Variants in GPD2 observed in about 807,000 individuals in gnomAD.
GPD2 encodes glycerol-3-phosphate dehydrogenase 2.
In GPD2, 54 loss-of-function variants were observed where a neutral mutation model predicts 82.4. The ratio of observed to expected loss-of-function variants is 0.66; its 90% CI spans 0.53 to 0.82. GPD2 has a LOEUF of 0.82. GPD2 is among the 40% of genes least tolerant of loss of function. GPD2 has a pLI of 0.00. For synonymous variants in GPD2, 288 were observed against 306.1 expected (o/e 0.94, Z 0.62); for missense variants, 748 against 896.2 (o/e 0.83, Z 2.11).
At chr2:156,514,843 A>G (rs1388262394) in intron 6 of GPD2, among the ~76,000 whole-genome samples, 2 of 152,142 alleles carry the variant, frequency 1.3e-5, no homozygotes, top group African/African-American at 4.8e-5. Context: ...CTTAACTGTG[A>G]ATTTGCTTTC....
chr2:156,445,006 T>A (rs1164296989), intron 1 of GPD2, among the ~76,000 whole-genome samples: 1 of 152,192 alleles, frequency 6.6e-6, no homozygotes, highest in African/African-American at 2.4e-5. Flanking sequence ...TGCCTTTGCC[T>A]CAGAAGTGCT....
At chr2:156,497,982 A>T (rs1684445841) in intron 3 of GPD2, among the ~76,000 whole-genome samples, 1 of 152,132 alleles carries the variant, frequency 6.6e-6, no homozygotes, top group Non-Finnish European at 1.5e-5. Flanking sequence ...GAAAGAGGGG[A>T]CACATTCCCA....
At chr2:156,516,176 T>A (rs1167266697) in intron 6 of GPD2, among the ~76,000 whole-genome samples, 2 of 152,182 alleles carry the variant, frequency 1.3e-5, no homozygotes, top group Non-Finnish European at 2.9e-5. Context: ...TAAGCTTTTC[T>A]TAACAAGGAA....
chr2:156,538,866 A>C (rs1686190495), intron 6 of GPD2, among the ~76,000 whole-genome samples: 1 of 151,464 alleles, frequency 6.6e-6, no homozygotes. Flanking sequence ...GTAACTATAG[A>C]GTTCAAGCAG....
Position 156,557,390 on chromosome 2 carries a change from C to A in GPD2, c.973C>A (p.Pro325Thr). 6.3e-7 allele frequency: 1 copy of A among 1,580,638 alleles called. No individual in the cohort carries two copies. ...AAATAATCCTTCTTTGTATCTCAGCCCAGAGAGCATGGGACTTCTTGACCC... is the reference window on the plus strand; with the variant it reads ...AAATAATCCTTCTTTGTATCTCAGCACAGAGAGCATGGGACTTCTTGACCC... ...VHIVMPGYYS[P>T]ESMGLLDPAT... The change falls in exon 9 of 17, where the codon CCA becomes ACA. Residue 325 changes from proline (P) to threonine (T), a missense_variant and splice_region_variant. Pro to Thr is a conservative substitution (Grantham distance 38, BLOSUM62 -1). Coordinates refer to ENST00000438166, the MANE Select transcript of GPD2 (RefSeq NM_000408.5).
chr2:156,556,372 A>G (rs1223430034), intron 8 of GPD2, among the ~76,000 whole-genome samples: 2 of 152,214 alleles, frequency 1.3e-5, no homozygotes, highest in Non-Finnish European at 2.9e-5. Context: ...GTAGTGTTCT[A>G]CTTGAATAGG....
chr2:156,553,920 G>C (rs1447200753), intron 8 of GPD2, among the ~76,000 whole-genome samples: 5 of 152,182 alleles, frequency 3.3e-5, no homozygotes, highest in Non-Finnish European at 7.3e-5. Flanking sequence ...AGGCTAAGAT[G>C]CAGTAAGTGA....
At chr2:156,401,272 T>C in the GPD2 span, among the ~76,000 whole-genome samples, 1 of 152,234 alleles carries the variant, frequency 6.6e-6, no homozygotes, top group Non-Finnish European at 1.5e-5. Flanking sequence ...ACCCTGGTAA[T>C]TCTCTAAACA....
chr2:156,458,901 A>C (rs986680323), intron 1 of GPD2, among the ~76,000 whole-genome samples: 2 of 152,190 alleles, frequency 1.3e-5, no homozygotes, highest in African/African-American at 4.8e-5. Context: ...AATGATTCAT[A>C]ATACTACCAT....
chr2:156,516,635 A>G (rs1161653407), intron 6 of GPD2, among the ~76,000 whole-genome samples: 1 of 152,152 alleles, frequency 6.6e-6, no homozygotes, highest in East Asian at 1.9e-4. Flanking sequence ...GCTAGAGACA[A>G]GGTCTCCCTG....
intron 16 of GPD2, 52 bp from the exon 17 acceptor site, chr2:156,582,741 A>G (rs969375798): frequency 3.8e-6 from 6 of 1,598,624 alleles, no homozygotes; most frequent in Non-Finnish European, 3.4e-6. Flanking sequence ...TGCCATGAAG[A>G]AGAGAGTAAG....
At chr2:156,575,402 CTTT>C (rs35297244) in intron 13 of GPD2, among the ~76,000 whole-genome samples, 33 of 91,156 alleles carry the variant, frequency 3.6e-4, no homozygotes, top group Admixed American at 5.8e-4. Context: ...CTTTTCTTTT[CTTT>C]TTTTTTTTTT....
At chr2:156,439,917 A>G (rs1682107945) in intron 1 of GPD2, among the ~76,000 whole-genome samples, 1 of 151,964 alleles carries the variant, frequency 6.6e-6, no homozygotes, top group Non-Finnish European at 1.5e-5. Flanking sequence ...AGTTTTGACA[A>G]TGGGGTATAT....
chr2:156,475,975 T>G (rs550672236), intron 1 of GPD2, 123 bp from the exon 2 acceptor site: 69 of 664,862 alleles, frequency 1.0e-4, no homozygotes, highest in Non-Finnish European at 1.3e-4. Flanking sequence ...AGTAATTTCC[T>G]TATTTTATGT....
At chr2:156,564,752 A>C (rs571528214) in intron 9 of GPD2, among the ~76,000 whole-genome samples, 1 of 152,270 alleles carries the variant, frequency 6.6e-6, no homozygotes, top group Admixed American at 6.5e-5. Context: ...CATATTTTAA[A>C]TAAGGAAATT....
chr2:156,507,479 T>C (rs1684829825), intron 3 of GPD2, among the ~76,000 whole-genome samples: 1 of 152,008 alleles, frequency 6.6e-6, no homozygotes, highest in African/African-American at 2.4e-5. Flanking sequence ...CATGCCACTA[T>C]GCCCGGCTAA....
At chr2:156,449,828 T>G (rs1187710314) in intron 1 of GPD2, among the ~76,000 whole-genome samples, 1 of 135,238 alleles carries the variant, frequency 7.4e-6, no homozygotes, top group Non-Finnish European at 1.5e-5. Context: ...CTGGCCAATA[T>G]GGCAAAACTC....
At chr2:156,422,467 A>G in the GPD2 span, among the ~76,000 whole-genome samples, 2 of 152,150 alleles carry the variant, frequency 1.3e-5, no homozygotes, top group African/African-American at 4.8e-5. Flanking sequence ...ACAGTGGCTC[A>G]CTCCTGTAAT....
chr2:156,545,104 A>G (rs1209231168), intron 6 of GPD2, among the ~76,000 whole-genome samples: 1 of 152,132 alleles, frequency 6.6e-6, no homozygotes, highest in African/African-American at 2.4e-5. Flanking sequence ...GTGCACACAC[A>G]TGAGCATACA....
Sources: allele counts gnomAD v4.1 joint callset (sites outside exome capture counted in the v4.1 genomes callset), GRCh38; gene constraint gnomAD v4.1.1; transcripts MANE v1.5; gene names NCBI Gene and HGNC (gene_info 2026-07-23, HGNC 2026-07-21).